The following NCKAP5 variants were observed in gnomAD, a reference collection of about 807,000 sequenced individuals.
NCKAP5 encodes the protein nck-associated protein 5.
NCKAP5 carries 92 observed loss-of-function variants against 167.0 expected under a neutral mutation model. The ratio of observed to expected loss-of-function variants is 0.55; its 90% CI spans 0.47 to 0.66. The LOEUF is 0.66. NCKAP5 is among the 30% of genes least tolerant of loss of function. NCKAP5 has a pLI of 0.00. For synonymous variants in NCKAP5, 891 were observed against 877.4 expected (o/e 1.02, Z -0.27); for missense variants, 2,378 against 2,315.0 (o/e 1.03, Z -0.56).
the NCKAP5 span, among the ~76,000 whole-genome samples, chr2:133,618,277 T>G: frequency 6.7e-6 from 1 of 150,036 alleles, no homozygotes; most frequent in Non-Finnish European, 1.5e-5. Context: ...CCAAAAGCAA[T>G]GGCAACAAAA....
At chr2:133,219,122 T>C (rs2086552455) in intron 4 of NCKAP5, among the ~76,000 whole-genome samples, 1 of 152,180 alleles carries the variant, frequency 6.6e-6, no homozygotes, top group Non-Finnish European at 1.5e-5. Context: ...AAACACCGTT[T>C]TATATCTGAC....
At chr2:133,261,668 A>G (rs576777890) in intron 4 of NCKAP5, among the ~76,000 whole-genome samples, 1 of 152,316 alleles carries the variant, frequency 6.6e-6, no homozygotes, top group African/African-American at 2.4e-5. Context: ...ATTTAATGTT[A>G]ACTGAAATGT....
intron 8 of NCKAP5, among the ~76,000 whole-genome samples, chr2:132,912,835 C>T (rs189428839): frequency 6.6e-6 from 1 of 152,286 alleles, no homozygotes; most frequent in East Asian, 1.9e-4. Flanking sequence ...ATTAATCATC[C>T]TCCCCCTGTA....
At chr2:133,542,459 G>A (rs1686303490) in intron 2 of NCKAP5, among the ~76,000 whole-genome samples, 1 of 152,136 alleles carries the variant, frequency 6.6e-6, no homozygotes, top group Admixed American at 6.5e-5. Flanking sequence ...AGGTAAACGG[G>A]GAGAGATTGC....
chr2:132,811,482 T>C (rs1378386128), intron 11 of NCKAP5, among the ~76,000 whole-genome samples: 1 of 152,038 alleles, frequency 6.6e-6, no homozygotes, highest in Non-Finnish European at 1.5e-5. Context: ...CCCAGGTCAC[T>C]GGAGTTGTGT....
chr2:133,567,839 C>G (rs1338460325), intron 1 of NCKAP5, among the ~76,000 whole-genome samples: 1 of 152,050 alleles, frequency 6.6e-6, no homozygotes, highest in East Asian at 1.9e-4. Context: ...GAAAAAGTAG[C>G]CTTCATAGTT....
the NCKAP5 span, among the ~76,000 whole-genome samples, chr2:133,623,287 A>G: frequency 2.0e-5 from 3 of 152,188 alleles, no homozygotes; most frequent in Non-Finnish European, 4.4e-5. Context: ...CAACAAAAAC[A>G]AAGATAAATA....
chr2:133,449,200 T>C (rs1691399774), intron 3 of NCKAP5, among the ~76,000 whole-genome samples: 1 of 152,230 alleles, frequency 6.6e-6, no homozygotes, highest in Non-Finnish European at 1.5e-5. Flanking sequence ...AGTTGCTCAA[T>C]AAGTCTTTAT....
At chr2:133,011,456 G>A (rs575242132) in intron 6 of NCKAP5, among the ~76,000 whole-genome samples, 98 of 152,354 alleles carry the variant, frequency 6.4e-4, no homozygotes, top group Non-Finnish European at 1.2e-3. Flanking sequence ...GAGAGGGAAA[G>A]GGCCTGTTTT....
intron 5 of NCKAP5, among the ~76,000 whole-genome samples, chr2:133,132,739 C>T (rs529004122): frequency 1.5e-4 from 23 of 149,824 alleles, no homozygotes; most frequent in East Asian, 1.2e-3. Flanking sequence ...TGCAGTGGCG[C>T]GATCTCAGCT....
the NCKAP5 span, among the ~76,000 whole-genome samples, chr2:133,603,750 T>C: frequency 6.6e-6 from 1 of 151,940 alleles, no homozygotes; most frequent in African/African-American, 2.4e-5. Flanking sequence ...TTGGTCAGGC[T>C]GGTCTTGAAC....
intron 11 of NCKAP5, among the ~76,000 whole-genome samples, chr2:132,829,838 A>G (rs1687394867): frequency 6.6e-6 from 1 of 152,186 alleles, no homozygotes; most frequent in South Asian, 2.1e-4. Flanking sequence ...ATTCTGAGAA[A>G]CTTTTCAAAT....
chr2:132,936,021 G>A (rs1011622230), intron 8 of NCKAP5, among the ~76,000 whole-genome samples: 8 of 145,252 alleles, frequency 5.5e-5, no homozygotes, highest in African/African-American at 1.8e-4. Context: ...CCGCTCTGTC[G>A]CCCAGGCTGG....
rs1687612815 is a variant in NCKAP5, at chr2:132,832,765, C to T, written c.807+27727G>A. 2.0e-5 allele frequency among the ~76,000 whole-genome samples: 3 copies of T among 152,128 alleles called. No homozygotes were observed. The South Asian group carries it at 6.2e-4, about 31-fold the overall frequency. On this transcript the variant is annotated intron_variant, in intron 11 of 19. Transcript: ENST00000409261. ...ATACCACATTTCTTTATCCAATAAT[C>T]TGTTGTTGGACACTTAGGTTGATTA...
intron 6 of NCKAP5, among the ~76,000 whole-genome samples, chr2:133,043,457 G>A (rs78125750): frequency 0.033 from 5,053 of 152,114 alleles, 282 homozygotes; most frequent in African/African-American, 0.11. Context: ...GGGCCACAGT[G>A]GAAGAAGAAA....
chr2:132,788,350 G>C (rs1276483530), intron 13 of NCKAP5, among the ~76,000 whole-genome samples: 1 of 152,126 alleles, frequency 6.6e-6, no homozygotes, highest in Non-Finnish European at 1.5e-5. Context: ...TTTTTCTAAA[G>C]GGTCTTAATG....
chr2:133,452,844 C>T (rs1691634558), intron 3 of NCKAP5, among the ~76,000 whole-genome samples: 1 of 152,166 alleles, frequency 6.6e-6, no homozygotes, highest in Non-Finnish European at 1.5e-5. Context: ...TTCCCCTGTA[C>T]AGTCATGCCC....
the NCKAP5 span, among the ~76,000 whole-genome samples, chr2:133,600,508 C>T: frequency 3.3e-5 from 5 of 152,216 alleles, no homozygotes; most frequent in African/African-American, 9.6e-5. Flanking sequence ...GAAATGCTCA[C>T]GTGCCCACTG....
chr2:133,498,928 A>G (rs1167713443), intron 3 of NCKAP5, among the ~76,000 whole-genome samples: 1 of 152,218 alleles, frequency 6.6e-6, no homozygotes, highest in Non-Finnish European at 1.5e-5. Context: ...GGCTCCAAGA[A>G]TAATGCACTC....
Sources: allele counts gnomAD v4.1 joint callset (sites outside exome capture counted in the v4.1 genomes callset), GRCh38; gene constraint gnomAD v4.1.1; transcripts MANE v1.5; gene names NCBI Gene and HGNC (gene_info 2026-07-23, HGNC 2026-07-21).